HSPD1: variants seen among roughly 807,000 people sequenced by gnomAD.
The protein encoded by HSPD1 is heat shock protein family D (Hsp60) member 1.
Under a neutral mutation model 53.0 loss-of-function variants are expected in HSPD1, and 3 were observed. That is an observed-to-expected ratio of 0.06 (90% CI 0.03 to 0.15). The LOEUF (loss-of-function observed/expected upper bound fraction) is 0.15, where lower values mean the gene tolerates loss of function less well. Among genes scored for constraint, HSPD1 ranks in the 10% least tolerant of loss-of-function variants. The probability of loss-of-function intolerance (pLI) is 1.00; values close to 1 mark genes in which losing one functional copy is unlikely to be tolerated. For missense variants in HSPD1, 431 were observed against 694.1 expected (o/e 0.62, Z 4.26); for synonymous variants, 200 against 228.0 (o/e 0.88, Z 1.10).
In HSPD1 at chr2:197,498,822, G is replaced by T. The variant is rs11551349; in HGVS notation, c.27C>A (p.Arg9=). 1.9e-6 allele frequency: 3 copies of T among 1,614,178 alleles called. No homozygotes were observed. The change falls in exon 2 of 12, where the codon CGC becomes CGA. Residue 9 remains arginine (R), a synonymous_variant. Coordinates refer to ENST00000388968, the MANE Select transcript of HSPD1 (RefSeq NM_002156.5). ...GTACCCTGGACACCGGTCTCATCTGGCGAAAGACTGTGGGTAACCGAAGCA... is the reference window on the plus strand; with the variant it reads ...GTACCCTGGACACCGGTCTCATCTGTCGAAAGACTGTGGGTAACCGAAGCA... MLRLPTVF[R]QMRPVSRVLA...
chr2:197,499,084 T>G, intron 1 of HSPD1: 2 of 583,354 alleles, frequency 3.4e-6, no homozygotes, highest in East Asian at 3.0e-5. Context: ...ACAAAGCACA[T>G]GCGGCTCCTT....
Position 197,488,017 on chromosome 2 carries a change from T to C in HSPD1, c.1410A>G (p.Arg470=). 4 of 1,608,092 alleles carry C rather than the reference T, an allele frequency of 2.5e-6. No individual in the cohort carries two copies. The highest frequency in any genetic ancestry group is 3.4e-6 in the Non-Finnish European group (4 of 1,175,696). The change falls in exon 11 of 12, where the codon AGA becomes AGG. Residue 470 remains arginine (R), a synonymous_variant. Transcript: ENST00000388968. ...TGGTCATTGCTGGAATTTTGAGTGT[T>C]CTTTTAATAATTTCTATACCTACAG... ...DQKIGIEIIK[R]TLKIPAMTIA...
upstream of HSPD1, chr2:197,500,128 TC>T (rs1248563661): frequency 4.6e-5 from 22 of 479,990 alleles, no homozygotes; most frequent in East Asian, 7.1e-4. Context: ...TCGCGTCATT[TC>T]CGGGAGGGGA....
chr2:197,497,799 G>C (rs1040018368), intron 2 of HSPD1, among the ~76,000 whole-genome samples: 1 of 152,216 alleles, frequency 6.6e-6, no homozygotes, highest in Non-Finnish European at 1.5e-5. Context: ...AAGGCAAGTA[G>C]CGTGCTCTTC....
rs751801388 is a variant in HSPD1, at chr2:197,498,745, T to C, written c.104A>G (p.Asp35Gly). The C allele has an allele frequency of 3.1e-6, 5 of 1,614,188 alleles. No homozygotes were observed. Among genetic ancestry groups the C allele is most frequent in the Non-Finnish European group, 3.4e-6 (4 of 1,180,036 alleles). ...ACCTTGAAGCATTAAGGCTCGGGCATCTGCACCAAATTTTACATCTTTGGC... is the reference window on the plus strand; with the variant it reads ...ACCTTGAAGCATTAAGGCTCGGGCACCTGCACCAAATTTTACATCTTTGGC... ...AYAKDVKFGA[D>G]ARALMLQGVD... Residue 35 changes from aspartate to glycine, a missense_variant, in exon 2 of 12, where the codon GAT becomes GGT. Around this residue, in one of 2 missense-constraint regions of HSPD1, gnomAD observed 386 missense variants for 657.6 expected, o/e 0.59. Transcript: ENST00000388968.
In HSPD1 at chr2:197,495,132, G is replaced by A. The variant is rs143652129; in HGVS notation, c.510+162C>T. On this transcript the variant is annotated intron_variant, in intron 4 of 11. Coordinates refer to ENST00000388968, the MANE Select transcript of HSPD1 (RefSeq NM_002156.5). The stretch of plus-strand genomic sequence containing the variant: ...TGTAGAACTAAATGACAACCATTAT[G>A]GTCATAATTCTTTTCAAAGGTTTTA... 1.5e-4 allele frequency: 95 copies of A among 646,390 alleles called. 1 individual carries two copies. In the East Asian group the frequency reaches 2.4e-3, roughly 17 times the overall value. 40.0% of individuals were successfully genotyped at this position (646,390 alleles called of 1,614,324 possible).
intron 3 of HSPD1, among the ~76,000 whole-genome samples, chr2:197,495,921 G>A (rs1191902763): frequency 2.0e-5 from 3 of 152,168 alleles, no homozygotes; most frequent in East Asian, 3.8e-4. Flanking sequence ...GTAGATGTGT[G>A]TAGTTTCAAA....
At chr2:197,490,862 T>C (rs1474690230) in intron 7 of HSPD1, among the ~76,000 whole-genome samples, 1 of 152,214 alleles carries the variant, frequency 6.6e-6, no homozygotes, top group East Asian at 1.9e-4. Flanking sequence ...TAATGCTGAG[T>C]TTTGAATGAG....
intron 3 of HSPD1, among the ~76,000 whole-genome samples, chr2:197,496,455 C>T (rs2086158140): frequency 6.6e-6 from 1 of 152,126 alleles, no homozygotes; most frequent in Non-Finnish European, 1.5e-5. Context: ...CAATAGCTCC[C>T]CCCACCTTCA....
chr2:197,494,116 TAATAAA>T, intron 6 of HSPD1, 35 bp downstream of exon 6: 1 of 951,666 alleles, frequency 1.1e-6, no homozygotes, highest in South Asian at 1.3e-5. Flanking sequence ...CTGTCTAAAA[TAATAAA>T]AATAATAATA....
intron 6 of HSPD1, 145 bp downstream of exon 6, chr2:197,494,012 G>A (rs897859913): frequency 3.5e-6 from 2 of 575,776 alleles, no homozygotes; most frequent in African/African-American, 3.8e-5. Context: ...TGAGGCAAGA[G>A]AATCACTTGA....
At chr2:197,495,044 A>C in intron 4 of HSPD1, 1 of 599,512 alleles carries the variant, frequency 1.7e-6, no homozygotes, top group South Asian at 2.1e-5. Context: ...ACAATGGCTA[A>C]GAACATTTTC....
At chr2:197,495,040 G>T in intron 4 of HSPD1, 1 of 596,418 alleles carries the variant, frequency 1.7e-6, no homozygotes, top group Non-Finnish European at 3.0e-6. Flanking sequence ...TTTGACAATG[G>T]CTAAGAACAT....
In HSPD1 at chr2:197,486,906, G is replaced by A; in HGVS notation, c.*140C>T. ...TTATATATTTTGTCAACTGAAACCA[G>A]TAACTGATGGTTATAGTGATTTTCA... On this transcript the variant is annotated 3_prime_UTR_variant, in exon 12 of 12. Transcript: ENST00000388968. 4.2e-6 allele frequency: 3 copies of A among 720,428 alleles called. No homozygotes were observed. Among genetic ancestry groups the A allele is most frequent in the Admixed American group, 4.3e-5 (2 of 47,034 alleles). 44.6% of individuals were successfully genotyped at this position (720,428 alleles called of 1,614,324 possible). A position where few individuals can be genotyped will look rare whatever the true frequency, so the allele number is the denominator to read the frequency against.
At position 197,486,920 on chromosome 2, in the gene HSPD1, T is replaced by C. The variant is rs1048203594; in HGVS notation, c.*126A>G. The C allele has an allele frequency of 1.3e-5, 11 of 815,136 alleles. No individual in the cohort carries two copies. Among genetic ancestry groups the C allele is most frequent in the East Asian group, 4.8e-5 (2 of 41,262 alleles). The allele number at this position is 815,136 out of a possible 1,614,324, so 50.5% of individuals were successfully genotyped here. A position where few individuals can be genotyped will look rare whatever the true frequency, so the allele number is the denominator to read the frequency against. Reference sequence around the variant, plus strand: ...AACTGAAACCAGTAACTGATGGTTATAGTGATTTTCAGCCAGCCTTTTTCT... The same window carrying C: ...AACTGAAACCAGTAACTGATGGTTACAGTGATTTTCAGCCAGCCTTTTTCT... On this transcript the variant is annotated 3_prime_UTR_variant, in exon 12 of 12. Transcript: ENST00000388968.
chr2:197,498,990 G>A, intron 1 of HSPD1, 140 bp from the exon 2 acceptor site: 2 of 796,436 alleles, frequency 2.5e-6, no homozygotes, highest in African/African-American at 1.7e-5. Flanking sequence ...CCTGAATGAC[G>A]GAAGGCGCCG....
intron 9 of HSPD1, among the ~76,000 whole-genome samples, 168 bp from the exon 10 acceptor site, chr2:197,488,659 A>G (rs2086054963): frequency 6.6e-6 from 1 of 152,190 alleles, no homozygotes; most frequent in South Asian, 2.1e-4. Context: ...ACTTGAGGTC[A>G]GGAGTTTGAG....
chr2:197,497,142 C>T lies in HSPD1; in HGVS notation c.425G>A (p.Arg142Lys), dbSNP rs61755731. The change falls in exon 3 of 12, where the codon AGA becomes AAA. Residue 142 changes from arginine to lysine, a missense_variant and splice_region_variant. Arg to Lys is a conservative substitution (Grantham distance 26, BLOSUM62 2). Coordinates refer to ENST00000388968, the MANE Select transcript of HSPD1 (RefSeq NM_002156.5). ...GTGGTGACAACAGACATTCCTACCT[C>T]TCCTGATTTCCACTGGATTAGCACC... ...SKGANPVEIR[R>K]GVMLAVDAVI... 2.4e-4 allele frequency: 390 copies of T among 1,614,152 alleles called. No individual in the cohort carries two copies. In the African/African-American group the frequency reaches 4.7e-3, roughly 19 times the overall value.
At chr2:197,494,478 T>A in intron 5 of HSPD1, 179 bp downstream of exon 5, 1 of 632,236 alleles carries the variant, frequency 1.6e-6, no homozygotes, top group South Asian at 1.9e-5. Flanking sequence ...CTAATTCACA[T>A]AAAACACAGT....
Sources: gnomAD v4.1 joint callset for allele counts (sites outside exome capture counted in the v4.1 genomes callset) on GRCh38, gnomAD v4.1.1 for gene constraint, gnomAD v4.1.1 regional missense constraint, MANE v1.5 for transcripts, NCBI Gene and HGNC (gene_info 2026-07-23, HGNC 2026-07-21) for gene names.